MIB1: variants seen among roughly 807,000 people sequenced by gnomAD.
The protein encoded by MIB1 is E3 ubiquitin-protein ligase MIB1.
In MIB1, 278 loss-of-function variants were observed where a neutral mutation model predicts 124.5. The ratio of observed to expected loss-of-function variants is 2.23; its 90% CI spans 2.02 to 2.47. The LOEUF is 2.47. Among genes scored for constraint, MIB1 ranks in the 30% most tolerant of loss-of-function variants. The probability of loss-of-function intolerance (pLI) is 0.00; values close to 1 mark genes in which losing one functional copy is unlikely to be tolerated. For missense variants in MIB1, 957 were observed against 1,254.4 expected (o/e 0.76, Z 3.58); for synonymous variants, 446 against 429.4 (o/e 1.04, Z -0.48).
At chr18:21,780,187 T>A (rs1049459404) in intron 6 of MIB1, among the ~76,000 whole-genome samples, 5 of 152,194 alleles carry the variant, frequency 3.3e-5, no homozygotes, top group African/African-American at 7.2e-5. Flanking sequence ...TGTATAATGA[T>A]CAAACAGGCA....
chr18:21,841,677 T>TTTGACATATA (rs1365085454), intron 13 of MIB1, among the ~76,000 whole-genome samples: 2 of 152,180 alleles, frequency 1.3e-5, no homozygotes, highest in East Asian at 3.9e-4. Flanking sequence ...TCTTACAAAG[T>TTTGACATATA]TTGACATATA....
chr18:21,778,042 TCA>T, intron 4 of MIB1, 59 bp from the exon 5 acceptor site: 1 of 1,141,506 alleles, frequency 8.8e-7, no homozygotes, highest in Non-Finnish European at 1.3e-6. Context: ...CTTGCCTGTT[TCA>T]GATACTGAGC....
At chr18:21,742,562 C>T (rs1001793880) in intron 1 of MIB1, among the ~76,000 whole-genome samples, 1 of 151,904 alleles carries the variant, frequency 6.6e-6, no homozygotes, top group Admixed American at 6.6e-5. Flanking sequence ...AGCAGTGAGT[C>T]AGGGTCCTTG....
At position 21,761,547 on chromosome 18, in the gene MIB1, A is replaced by G. The variant is rs557832682; in HGVS notation, c.230-4225A>G. Among the ~76,000 whole-genome samples the G allele has an allele frequency of 3.9e-5, 6 of 152,332 alleles. No homozygotes were observed. The East Asian group carries it at 9.6e-4, about 24-fold the overall frequency. On this transcript the variant is annotated intron_variant, in intron 1 of 20. Coordinates refer to ENST00000261537, the MANE Select transcript of MIB1 (RefSeq NM_020774.4). ...AGATGGCCACACCAGTCTACATCCC[A>G]TCCCACCTGCTCTTCTTAGGAGACA...
chr18:21,824,103 A>G (rs34077460), intron 12 of MIB1, among the ~76,000 whole-genome samples: 3 of 152,192 alleles, frequency 2.0e-5, no homozygotes, highest in African/African-American at 7.2e-5. Flanking sequence ...AGTACAGGTA[A>G]CAATAATATA....
chr18:21,826,977 T>C (rs2041929936), intron 12 of MIB1: 2 of 152,128 alleles, frequency 1.3e-5, no homozygotes, highest in Admixed American at 1.3e-4. Context: ...ATAGCAATAA[T>C]ACTGGCTTCT....
chr18:21,746,352 G>A (rs1341675827), intron 1 of MIB1, among the ~76,000 whole-genome samples: 1 of 152,078 alleles, frequency 6.6e-6, no homozygotes, highest in Non-Finnish European at 1.5e-5. Flanking sequence ...TTTTCTTTCA[G>A]GACACACATG....
intron 1 of MIB1, among the ~76,000 whole-genome samples, chr18:21,746,303 G>A (rs540550997): frequency 6.6e-6 from 1 of 152,150 alleles, no homozygotes; most frequent in Non-Finnish European, 1.5e-5. Context: ...TCTGGGAGTT[G>A]TATGCGGGTC....
chr18:21,839,567 CA>C, intron 13 of MIB1, among the ~76,000 whole-genome samples: 1 of 152,270 alleles, frequency 6.6e-6, no homozygotes. Flanking sequence ...TACAGTGGCA[CA>C]ATCATGGCTC....
Position 21,779,621 on chromosome 18 carries a change from A to G in MIB1, c.844A>G (p.Thr282Ala). Reference protein sequence around the residue: ...TDGMFETLTTTGTVCGIDEDH... With the variant: ...TDGMFETLTTAGTVCGIDEDH... ...TGGAATGTTTGAGACTTTAACTACA[A>G]CTGGAACTGTTTGTGGCATTGATGA... The change falls in exon 6 of 21, where the codon ACT becomes GCT. Residue 282 changes from threonine to alanine, a missense_variant. Thr to Ala is a moderately conservative substitution (Grantham distance 58, BLOSUM62 0). Transcript: ENST00000261537. The G allele has an allele frequency of 1.2e-6, 2 of 1,614,104 alleles. No individual in the cohort carries two copies. Among genetic ancestry groups the G allele is most frequent in the East Asian group, 2.2e-5 (1 of 44,870 alleles).
At chr18:21,849,165 A>G (rs956941941) in intron 16 of MIB1, 31 bp from the exon 17 acceptor site, 19 of 1,346,986 alleles carry the variant, frequency 1.4e-5, no homozygotes, top group Non-Finnish European at 1.8e-5. Flanking sequence ...GTAATAAGAT[A>G]GGCTTGATTT....
chr18:21,819,540 C>A lies in MIB1; in HGVS notation c.1723C>A (p.Arg575Ser). Reference sequence around the variant, plus strand: ...TCTTCATGATGCAATAAGTAAGAAACGTGATGATATCCTAGCAGTTCTTTT... The same window carrying A: ...TCTTCATGATGCAATAAGTAAGAAAAGTGATGATATCCTAGCAGTTCTTTT... Reference protein sequence around the residue: ...TPLHDAISKKRDDILAVLLEA... With the variant: ...TPLHDAISKKSDDILAVLLEA... Residue 575 changes from arginine (R) to serine (S), a missense_variant, in exon 12 of 21, where the codon CGT becomes AGT. Transcript: ENST00000261537. 1 of 1,610,128 alleles carries A rather than the reference C, an allele frequency of 6.2e-7. No homozygotes were observed. Among genetic ancestry groups the A allele is most frequent in the Non-Finnish European group, 8.5e-7 (1 of 1,177,176 alleles).
chr18:21,785,814 C>T (rs1294697745), intron 6 of MIB1, among the ~76,000 whole-genome samples: 1 of 152,156 alleles, frequency 6.6e-6, no homozygotes, highest in East Asian at 1.9e-4. Context: ...TGAATTTCCT[C>T]AGCTTTTGTT....
chr18:21,765,977 T>A (rs1163030507), intron 2 of MIB1, 34 bp downstream of exon 2: 1 of 1,600,452 alleles, frequency 6.2e-7, no homozygotes, highest in East Asian at 2.2e-5. Context: ...CAACCGAGGG[T>A]TTTTGTTTGT....
chr18:21,737,971 A>G (rs2040803508), upstream of MIB1, among the ~76,000 whole-genome samples: 1 of 152,136 alleles, frequency 6.6e-6, no homozygotes, highest in Non-Finnish European at 1.5e-5. Context: ...ACAGATCAAC[A>G]AGACAAAATT....
At chr18:21,851,487 G>A (rs1291225337) in intron 17 of MIB1, among the ~76,000 whole-genome samples, 2 of 152,076 alleles carry the variant, frequency 1.3e-5, no homozygotes, top group Admixed American at 6.6e-5. Context: ...GATTTGCCAG[G>A]TTGGTTGTAG....
At chr18:21,740,099 G>A (rs2040827887), upstream of MIB1, among the ~76,000 whole-genome samples, 1 of 152,172 alleles carries the variant, frequency 6.6e-6, no homozygotes, top group Non-Finnish European at 1.5e-5. Context: ...AACAATGCAT[G>A]CTAACGGTGC....
Position 21,741,769 on chromosome 18 carries a change from CT to C in MIB1, c.187del (p.Ser63ProfsTer58). The C allele has an allele frequency of 6.2e-7, 1 of 1,609,682 alleles. No individual in the cohort carries two copies. The highest frequency in any genetic ancestry group is 8.5e-7 in the Non-Finnish European group (1 of 1,178,726). On this transcript the variant is annotated frameshift_variant, in exon 1 of 21. Coordinates refer to ENST00000261537, the MANE Select transcript of MIB1 (RefSeq NM_020774.4). LOFTEE classifies it high-confidence loss of function. The surrounding 1 kb of genome is among the most constrained non-coding windows in gnomAD (Gnocchi z 5.4). ...ACGGCACAGCTGCCAACTACCGCTG[CT>C]CCGGGGCTTACGACCTCCGCATCCT... ...DNGTAANYRC[S>X]GAYDLRILDS...
At chr18:21,822,849 C>T (rs2041891118) in intron 12 of MIB1, among the ~76,000 whole-genome samples, 1 of 152,000 alleles carries the variant, frequency 6.6e-6, no homozygotes, top group African/African-American at 2.4e-5. Flanking sequence ...TTTGTAATCC[C>T]AGCGACTTAG....
Sources: gnomAD v4.1 joint callset for allele counts (sites outside exome capture counted in the v4.1 genomes callset) on GRCh38, gnomAD v4.1.1 for gene constraint, Gnocchi (gnomAD v3.1) non-coding constraint, MANE v1.5 for transcripts, NCBI Gene and HGNC (gene_info 2026-07-23, HGNC 2026-07-21) for gene names.